The following TMEM234 variants were observed in gnomAD, a reference collection of about 807,000 sequenced individuals.
TMEM234 encodes the protein transmembrane protein 234.
In TMEM234, 21 loss-of-function variants were observed where a neutral mutation model predicts 17.8. That is an observed-to-expected ratio of 1.18 (90% CI 0.84 to 1.70). TMEM234 has a LOEUF of 1.70. Ranked by LOEUF, TMEM234 falls within the 40% of genes most tolerant of loss-of-function variation. TMEM234 has a pLI of 0.00. For missense variants in TMEM234, 137 were observed against 166.9 expected, an observed-to-expected ratio of 0.82 and a Z score of 0.99; for synonymous variants, 83 against 73.5, an observed-to-expected ratio of 1.13 and a Z score of -0.66.
At chr1:32,219,273 A>G (rs1344409242) in intron 3 of TMEM234, among the ~76,000 whole-genome samples, 1 of 152,212 alleles carries the variant, frequency 6.6e-6, no homozygotes, top group Non-Finnish European at 1.5e-5. Context: ...TGTGAGGCAA[A>G]GGAGCAAACT....
At position 32,216,963 on chromosome 1, in the gene TMEM234, GA is replaced by G; in HGVS notation, c.329-17del. 2 of 1,614,186 alleles carry G rather than the reference GA, an allele frequency of 1.2e-6. No homozygotes were observed. Among genetic ancestry groups the G allele is most frequent in the Non-Finnish European group, 1.7e-6 (2 of 1,180,024 alleles). On this transcript the variant is annotated splice_polypyrimidine_tract_variant and intron_variant, in intron 4 of 4. Transcript: ENST00000309777. ...GCAACTGCTCCTGGGATAATAGGCA[GA>G]AATCAGGAGGGTCTGAGCTCAGCCA...
At chr1:32,217,151 A>C (rs1391106676) in intron 4 of TMEM234, 108 bp downstream of exon 4, 1 of 1,600,252 alleles carries the variant, frequency 6.2e-7, no homozygotes, top group East Asian at 2.3e-5. Context: ...AGGATGGGAA[A>C]AGGCCGTGTC....
chr1:32,217,261 TTTCC>T lies in TMEM234; in HGVS notation c.322_325del (p.Gly108AsnfsTer11), dbSNP rs769575501. The T allele has an allele frequency of 6.2e-7, 1 of 1,614,176 alleles. No homozygotes were observed. The highest frequency in any genetic ancestry group is 8.5e-7 in the Non-Finnish European group (1 of 1,180,036). On this transcript the variant is annotated frameshift_variant, in exon 4 of 5. Coordinates refer to ENST00000309777, the MANE Select transcript of TMEM234 (RefSeq NM_019118.5). LOFTEE classifies it high-confidence loss of function. ...GCACTCGCAGTAGTCTAACTTACGT[TTTCC>T]ACCAATATCTTCTCCAAGGGCCTTC...
intron 3 of TMEM234, 122 bp downstream of exon 3, chr1:32,221,009 A>AT (rs1638851094): frequency 4.2e-6 from 3 of 720,320 alleles, no homozygotes; most frequent in Non-Finnish European, 7.2e-6. Flanking sequence ...AGAGGGAACT[A>AT]GAGCTAGTCA....
rs200770426 is a variant in TMEM234, at chr1:32,217,242, G to A, written c.328+17C>T. On this transcript the variant is annotated intron_variant, in intron 4 of 4. Coordinates refer to ENST00000309777, the MANE Select transcript of TMEM234 (RefSeq NM_019118.5). ...ATCCACAGAGCTGCGTCCCGCACTCGCAGTAGTCTAACTTACGTTTTCCAC... is the reference window on the plus strand; with the variant it reads ...ATCCACAGAGCTGCGTCCCGCACTCACAGTAGTCTAACTTACGTTTTCCAC... 35 of 1,614,100 alleles carry A rather than the reference G, an allele frequency of 2.2e-5. No homozygotes were observed. The highest frequency in any genetic ancestry group is 4.4e-5 in the South Asian group (4 of 91,090).
intron 3 of TMEM234, among the ~76,000 whole-genome samples, chr1:32,218,692 C>T (rs938623549): frequency 1.3e-5 from 2 of 152,026 alleles, no homozygotes; most frequent in African/African-American, 4.8e-5. Flanking sequence ...AATCCCAGCA[C>T]TTTGGGAGGC....
At position 32,216,466 on chromosome 1, in the gene TMEM234, A is replaced by T. The variant is rs562987182; in HGVS notation, c.*387T>A. 1 of 1,551,690 alleles carries T rather than the reference A, an allele frequency of 6.4e-7. No individual in the cohort carries two copies. Among genetic ancestry groups the T allele is most frequent in the Admixed American group, 2.0e-5 (1 of 51,002 alleles). On this transcript the variant is annotated 3_prime_UTR_variant, in exon 5 of 5. Transcript: ENST00000309777. The stretch of plus-strand genomic sequence containing the variant: ...GCCTCCCGTTTGCATTTCTGGCTCA[A>T]AGTCTGCAGCTGGCCCTTTCCATGC...
downstream of TMEM234, chr1:32,215,673 C>T: frequency 9.0e-7 from 1 of 1,107,254 alleles, no homozygotes; most frequent in Non-Finnish European, 1.3e-6. Flanking sequence ...AACTTCCTAC[C>T]TTGTTAAATG....
intron 3 of TMEM234, chr1:32,217,588 A>G (rs550373437): frequency 3.6e-5 from 31 of 854,538 alleles, no homozygotes; most frequent in Middle Eastern, 4.4e-4. Flanking sequence ...CTGGTTTGAT[A>G]ATGAGAATGA....
downstream of TMEM234, chr1:32,215,621 G>T: frequency 7.3e-7 from 1 of 1,363,590 alleles, no homozygotes; most frequent in South Asian, 1.3e-5. Context: ...TGGGCCCCAG[G>T]AACAGTTCTC....
downstream of TMEM234, chr1:32,214,993 T>A (rs551219298): frequency 3.3e-4 from 524 of 1,599,020 alleles, 7 homozygotes; most frequent in South Asian, 5.5e-3. Context: ...CATAGGTTGG[T>A]CCCTGCTGTT....
chr1:32,216,593 A>C lies in TMEM234; in HGVS notation c.*260T>G. On this transcript the variant is annotated 3_prime_UTR_variant, in exon 5 of 5. Transcript: ENST00000309777. ...GAGCCTGAGATGTTAGCAGGAAGAG[A>C]GCTGCTGGGGCAGAAAGGTTGCTGA... The C allele has an allele frequency of 6.5e-7, 1 of 1,541,256 alleles. No homozygotes were observed. Among genetic ancestry groups the C allele is most frequent in the Non-Finnish European group, 8.8e-7 (1 of 1,138,904 alleles).
In TMEM234 at chr1:32,216,630, G is replaced by A. The variant is rs1638409837; in HGVS notation, c.*223C>T. ...AGAAAGGTTGCTGAGGGTGAGCGTAGAGTCTCCTGTGCTAAATCCCCGCAG... is the reference window on the plus strand; with the variant it reads ...AGAAAGGTTGCTGAGGGTGAGCGTAAAGTCTCCTGTGCTAAATCCCCGCAG... On this transcript the variant is annotated 3_prime_UTR_variant, in exon 5 of 5. Coordinates refer to ENST00000309777, the MANE Select transcript of TMEM234 (RefSeq NM_019118.5). 1 of 1,527,112 alleles carries A rather than the reference G, an allele frequency of 6.5e-7. No individual in the cohort carries two copies. Among genetic ancestry groups the A allele is most frequent in the Non-Finnish European group, 8.8e-7 (1 of 1,132,040 alleles). 94.6% of individuals were successfully genotyped at this position (1,527,112 alleles called of 1,614,324 possible).
downstream of TMEM234, chr1:32,215,992 C>G (rs552622580): frequency 9.3e-7 from 1 of 1,070,968 alleles, no homozygotes; most frequent in East Asian, 2.6e-5. Context: ...CCAGCACCTC[C>G]GCTGGGCTCA....
chr1:32,221,550 C>T (rs964522704), intron 2 of TMEM234, among the ~76,000 whole-genome samples: 1 of 152,156 alleles, frequency 6.6e-6, no homozygotes, highest in African/African-American at 2.4e-5. Context: ...TCTGGAAAGG[C>T]TCACAAATGT....
chr1:32,215,456 T>C (rs1417810734), downstream of TMEM234: 3 of 1,612,868 alleles, frequency 1.9e-6, no homozygotes, highest in African/African-American at 1.3e-5. Context: ...TAGGAGTATA[T>C]GGAGCTCCCC....
At chr1:32,219,006 G>A (rs927975338) in intron 3 of TMEM234, among the ~76,000 whole-genome samples, 1 of 152,052 alleles carries the variant, frequency 6.6e-6, no homozygotes, top group African/African-American at 2.4e-5. Flanking sequence ...CAGCTAGTGG[G>A]GAGGCTAAGG....
At chr1:32,221,095 A>G in intron 3 of TMEM234, 36 bp downstream of exon 3, 1 of 1,592,312 alleles carries the variant, frequency 6.3e-7, no homozygotes, top group Non-Finnish European at 8.6e-7. Context: ...AGGTGGCCTC[A>G]AACACTAAGC....
At position 32,217,311 on chromosome 1, in the gene TMEM234, G is replaced by A; in HGVS notation, c.276C>T (p.Ile92=). 6.2e-7 allele frequency: 1 copy of A among 1,613,648 alleles called. No individual in the cohort carries two copies. Among genetic ancestry groups the A allele is most frequent in the Non-Finnish European group, 8.5e-7 (1 of 1,179,602 alleles). Residue 92 remains isoleucine (I), a synonymous_variant, in exon 4 of 5, where the codon ATC becomes ATT. Coordinates refer to ENST00000309777, the MANE Select transcript of TMEM234 (RefSeq NM_019118.5). ...CCTTCCCAACAATCAGTGTGAAGAT[G>A]ATAGCCAGAGAGTTACAGATGGGCA... ...LAVPICNSLA[I]IFTLIVGKAL...
Sources: gnomAD v4.1 joint callset for allele counts (sites outside exome capture counted in the v4.1 genomes callset) on GRCh38, gnomAD v4.1.1 for gene constraint, MANE v1.5 for transcripts, NCBI Gene and HGNC (gene_info 2026-07-23, HGNC 2026-07-21) for gene names.